Variants in TOX observed in about 807,000 individuals in gnomAD.
TOX encodes the protein thymocyte selection associated high mobility group box.
In TOX, 11 loss-of-function variants were observed where a neutral mutation model predicts 53.7. The observed-to-expected ratio is 0.20, with a 90% CI of 0.13 to 0.34. The LOEUF (loss-of-function observed/expected upper bound fraction) is 0.34, where lower values mean the gene tolerates loss of function less well. TOX is among the 10% of genes least tolerant of loss of function. The probability of loss-of-function intolerance (pLI) is 1.00; values close to 1 mark genes in which losing one functional copy is unlikely to be tolerated. For missense variants in TOX, 570 were observed against 664.6 expected, an observed-to-expected ratio of 0.86 and a Z score of 1.56; for synonymous variants, 225 against 245.3, an observed-to-expected ratio of 0.92 and a Z score of 0.77.
chr8:58,864,484 C>T (rs908128924), intron 3 of TOX, among the ~76,000 whole-genome samples: 2 of 152,110 alleles, frequency 1.3e-5, no homozygotes, highest in Non-Finnish European at 2.9e-5. Flanking sequence ...ATGGGCCTAA[C>T]GTTTCAAAAA....
chr8:59,030,482 C>A (rs192651812), intron 1 of TOX, among the ~76,000 whole-genome samples: 5 of 152,288 alleles, frequency 3.3e-5, no homozygotes, highest in African/African-American at 9.6e-5. Flanking sequence ...GCCACTGAAG[C>A]TCTACGAAAT....
intron 1 of TOX, among the ~76,000 whole-genome samples, chr8:59,092,067 T>A (rs1053175456): frequency 1.3e-5 from 2 of 151,380 alleles, no homozygotes; most frequent in Admixed American, 1.3e-4. Flanking sequence ...CTGACCAACA[T>A]GGTGAAGTCC....
chr8:58,972,138 G>A (rs1813013559), intron 1 of TOX, among the ~76,000 whole-genome samples: 1 of 152,130 alleles, frequency 6.6e-6, no homozygotes, highest in Non-Finnish European at 1.5e-5. Context: ...ATATATATAT[G>A]TGCATGTAAG....
intron 2 of TOX, among the ~76,000 whole-genome samples, chr8:58,940,285 T>C (rs995725117): frequency 5.3e-5 from 8 of 151,830 alleles, no homozygotes; most frequent in African/African-American, 1.9e-4. Flanking sequence ...ATTATTATAA[T>C]ACTAATTCTG....
At chr8:58,940,147 A>G (rs979377007) in intron 2 of TOX, among the ~76,000 whole-genome samples, 16 of 152,352 alleles carry the variant, frequency 1.1e-4, no homozygotes, top group Admixed American at 2.0e-4. Flanking sequence ...TTATCATCAA[A>G]ATCAAAGTGA....
intron 1 of TOX, among the ~76,000 whole-genome samples, chr8:59,019,951 A>G (rs2129419303): frequency 6.6e-6 from 1 of 152,328 alleles, no homozygotes; most frequent in South Asian, 2.1e-4. Flanking sequence ...TTCACTCTTC[A>G]AGATTAAATA....
At position 58,826,819 on chromosome 8, in the gene TOX, T is replaced by C. The variant is rs778110718; in HGVS notation, c.1005+3A>G. The C allele has an allele frequency of 6.2e-7, 1 of 1,602,916 alleles. No homozygotes were observed. The highest frequency in any genetic ancestry group is 8.5e-7 in the Non-Finnish European group (1 of 1,175,654). Reference sequence around the variant, plus strand: ...TTCACAATATCACACAACTGCACGTTACCTTGGATACAAGGCTGGCTCTGT... The same window carrying C: ...TTCACAATATCACACAACTGCACGTCACCTTGGATACAAGGCTGGCTCTGT... On this transcript the variant is annotated splice_donor_region_variant and intron_variant, in intron 6 of 8. Transcript: ENST00000361421.
chr8:58,981,040 C>T (rs1034030182), intron 1 of TOX, among the ~76,000 whole-genome samples: 1 of 152,152 alleles, frequency 6.6e-6, no homozygotes, highest in Admixed American at 6.5e-5. Flanking sequence ...TTATATTTCT[C>T]TTGCAGATCT....
chr8:59,017,793 A>C (rs1006026741), intron 1 of TOX, among the ~76,000 whole-genome samples: 7 of 152,114 alleles, frequency 4.6e-5, no homozygotes, highest in Non-Finnish European at 1.0e-4. Context: ...TTAAATGTTA[A>C]CTCTTTCTCC....
intron 3 of TOX, among the ~76,000 whole-genome samples, chr8:58,863,813 TG>T (rs1811050829): frequency 6.6e-6 from 1 of 152,126 alleles, no homozygotes; most frequent in African/African-American, 2.4e-5. Context: ...AGACTATCCC[TG>T]TACTCAAATA....
At chr8:59,072,205 A>T (rs924536275) in intron 1 of TOX, among the ~76,000 whole-genome samples, 27 of 152,222 alleles carry the variant, frequency 1.8e-4, no homozygotes, top group African/African-American at 6.5e-4. Context: ...CAACATGCCA[A>T]CCAAAAAGGA....
intron 4 of TOX, among the ~76,000 whole-genome samples, chr8:58,850,229 T>C (rs991605219): frequency 1.3e-5 from 2 of 152,080 alleles, no homozygotes; most frequent in East Asian, 1.9e-4. Context: ...ACAGAAAACA[T>C]GGAAATGATG....
chr8:58,942,766 A>G (rs1812463545), intron 2 of TOX, among the ~76,000 whole-genome samples: 1 of 152,220 alleles, frequency 6.6e-6, no homozygotes, highest in Non-Finnish European at 1.5e-5. Flanking sequence ...ATGTTATACA[A>G]TAGAATATGA....
chr8:59,040,356 A>T (rs1191221633), intron 1 of TOX, among the ~76,000 whole-genome samples: 1 of 146,388 alleles, frequency 6.8e-6, no homozygotes, highest in African/African-American at 2.5e-5. Context: ...AAAAAGAAGC[A>T]TCAATTTCCT....
At chr8:59,065,685 G>A (rs1180365320) in intron 1 of TOX, among the ~76,000 whole-genome samples, 1 of 152,102 alleles carries the variant, frequency 6.6e-6, no homozygotes, top group Non-Finnish European at 1.5e-5. Context: ...CTGTCACAGA[G>A]CAGAAACATC....
intron 3 of TOX, among the ~76,000 whole-genome samples, chr8:58,926,095 TC>T (rs1279641509): frequency 6.6e-6 from 1 of 152,202 alleles, no homozygotes; most frequent in Non-Finnish European, 1.5e-5. Context: ...CACAAAGTGC[TC>T]ACATGCTTGG....
At chr8:58,988,863 C>T (rs946659447) in intron 1 of TOX, among the ~76,000 whole-genome samples, 6 of 152,192 alleles carry the variant, frequency 3.9e-5, no homozygotes, top group African/African-American at 1.4e-4. Context: ...TGGTCCTCTT[C>T]TGCAACTGTG....
intron 3 of TOX, among the ~76,000 whole-genome samples, chr8:58,936,291 G>A (rs956719243): frequency 2.0e-5 from 3 of 152,086 alleles, no homozygotes; most frequent in African/African-American, 4.8e-5. Flanking sequence ...AAGCCGTGAC[G>A]GCTGTCCTAC....
chr8:59,002,172 C>T (rs1813700924), intron 1 of TOX, among the ~76,000 whole-genome samples: 1 of 151,054 alleles, frequency 6.6e-6, no homozygotes, highest in African/African-American at 2.4e-5. Context: ...CGGGGTTTCA[C>T]CATGTTGGTA....
Sources: gnomAD v4.1 joint callset for allele counts (sites outside exome capture counted in the v4.1 genomes callset) on GRCh38, gnomAD v4.1.1 for gene constraint, MANE v1.5 for transcripts, NCBI Gene and HGNC (gene_info 2026-07-23, HGNC 2026-07-21) for gene names.